The following BRCA1 variants were observed in gnomAD, a reference collection of about 807,000 sequenced individuals.
BRCA1 encodes the protein BRCA1 DNA repair associated, also known as breast cancer type 1 susceptibility protein.
BRCA1 carries 140 observed loss-of-function variants against 173.7 expected under a neutral mutation model. The ratio of observed to expected loss-of-function variants is 0.81; its 90% CI spans 0.70 to 0.93. The LOEUF (loss-of-function observed/expected upper bound fraction) is 0.93, where lower values mean the gene tolerates loss of function less well. Among genes scored for constraint, BRCA1 ranks in the 40% least tolerant of loss-of-function variants. The pLI, the probability that BRCA1 is intolerant of heterozygous loss-of-function variation, is 0.00. For synonymous variants in BRCA1, 662 were observed against 756.0 expected, an observed-to-expected ratio of 0.88 and a Z score of 2.04; for missense variants, 1,983 against 2,172.5, an observed-to-expected ratio of 0.91 and a Z score of 1.73.
At chr17:43,117,644 C>G (rs1242247901) in intron 2 of BRCA1, among the ~76,000 whole-genome samples, 1 of 152,132 alleles carries the variant, frequency 6.6e-6, no homozygotes, top group Non-Finnish European at 1.5e-5. Context: ...GAGGCTAAGG[C>G]AGGAGAATCG....
intron 12 of BRCA1, among the ~76,000 whole-genome samples, chr17:43,081,634 T>G (rs569319683): frequency 6.6e-6 from 1 of 151,914 alleles, no homozygotes; most frequent in East Asian, 1.9e-4. Context: ...CCTATGTGTC[T>G]GTTTGTTTGC....
chr17:43,052,815 ACACACACACT>A (rs1307341703), intron 19 of BRCA1, among the ~76,000 whole-genome samples: 1,332 of 126,934 alleles, frequency 0.01, 21 homozygotes, highest in African/African-American at 0.028. Context: ...ACACACACAC[ACACACACACT>A]CTCTTACTTT....
rs876658733 is a variant in BRCA1, at chr17:43,093,307, T to C, written c.2224A>G (p.Asn742Asp). The change falls in exon 10 of 23, where the codon AAT becomes GAT. Residue 742 changes from asparagine (N) to aspartate (D), a missense_variant. Asn to Asp is a conservative substitution (Grantham distance 23). Transcript: ENST00000357654. ...AGATCTTTGGGGTCTTCAGCATTAT[T>C]AGACACTTTAACTGTTTCTAGTTTC... ...EEKLETVKVSNNAEDPKDLML... is the reference protein window; with the variant it reads ...EEKLETVKVSDNAEDPKDLML... The C allele has an allele frequency of 6.2e-7, 1 of 1,613,952 alleles. No individual in the cohort carries two copies. The highest frequency in any genetic ancestry group is 1.3e-5 in the African/African-American group (1 of 74,950).
In BRCA1 at chr17:43,124,083, G is replaced by A. The variant is rs1335137805; in HGVS notation, c.14C>T (p.Ala5Val). 2 of 1,613,230 alleles carry A rather than the reference G, an allele frequency of 1.2e-6. No individual in the cohort carries two copies. Among genetic ancestry groups the A allele is most frequent in the South Asian group, 1.1e-5 (1 of 91,060 alleles). ...ATTTTGTACTTCTTCAACGCGAAGAGCAGATAAATCCATTTCTTTCTGTTC... is the reference window on the plus strand; with the variant it reads ...ATTTTGTACTTCTTCAACGCGAAGAACAGATAAATCCATTTCTTTCTGTTC... MDLS[A>V]LRVEEVQNVI... Residue 5 changes from alanine (A) to valine (V), a missense_variant, in exon 2 of 23, where the codon GCT (alanine) becomes GTT (valine). By Grantham distance (64) the Ala-to-Val change is moderately conservative. Coordinates refer to ENST00000357654, the MANE Select transcript of BRCA1 (RefSeq NM_007294.4).
In BRCA1 at chr17:43,145,420, G is replaced by A. The variant is rs200448554; in HGVS notation, c.-19-21305C>T. Among the ~76,000 whole-genome samples the A allele has an allele frequency of 5.9e-4, 88 of 150,192 alleles. No homozygotes were observed. In the East Asian group the frequency reaches 0.016, roughly 28 times the overall value. On this transcript the variant is annotated intron_variant, in intron 1 of 7. Transcript: ENST00000634433. Reference sequence around the variant, plus strand: ...CGGCTCACTGCAAGCTCCGCCTCCCGGGTTCACGCCATTCTCCTGTCTCAG... The same window carrying A: ...CGGCTCACTGCAAGCTCCGCCTCCCAGGTTCACGCCATTCTCCTGTCTCAG...
At chr17:43,056,286 A>G (rs1409949670) in intron 19 of BRCA1, among the ~76,000 whole-genome samples, 1 of 151,248 alleles carries the variant, frequency 6.6e-6, no homozygotes, top group Admixed American at 6.6e-5. Flanking sequence ...AGATACTCTC[A>G]ACTCAGCCTT....
In BRCA1 at chr17:43,051,547, T is replaced by A. The variant is rs1022192029; in HGVS notation, c.5278-430A>T. ...GTTATTGGCTGAAGTTTGATGTTTA[T>A]CCAGACTTGGTACCTCAAGTACTCA... On this transcript the variant is annotated intron_variant, in intron 19 of 22. Coordinates refer to ENST00000357654, the MANE Select transcript of BRCA1 (RefSeq NM_007294.4). Among the ~76,000 whole-genome samples, 4 of 152,232 alleles carry A rather than the reference T, an allele frequency of 2.6e-5. 1 individual carries two copies. Among genetic ancestry groups the A allele is most frequent in the Admixed American group, 2.6e-4 (4 of 15,288 alleles).
At chr17:43,100,677 TA>T (rs67109310) in intron 6 of BRCA1, among the ~76,000 whole-genome samples, 2,477 of 14,464 alleles carry the variant, frequency 0.17, 190 homozygotes, top group South Asian at 0.27. Context: ...TATATATATA[TA>T]ATATATATAT....
chr17:43,111,019 T>C (rs989954224), intron 3 of BRCA1, among the ~76,000 whole-genome samples: 1 of 150,426 alleles, frequency 6.6e-6, no homozygotes, highest in African/African-American at 2.4e-5. Context: ...GAGAATCACT[T>C]GAACCAGAGA....
At chr17:43,103,998 T>C (rs1385015175) in intron 6 of BRCA1, 124 bp downstream of exon 6, 4 of 1,254,046 alleles carry the variant, frequency 3.2e-6, no homozygotes, top group Non-Finnish European at 4.5e-6. Flanking sequence ...TCCCAGCTAC[T>C]AAGGGGGCTA....
Position 43,094,297 on chromosome 17 carries a change from C to T in BRCA1, c.1234G>A (p.Val412Ile), listed in dbSNP as rs587776478. 1 of 1,614,180 alleles carries T rather than the reference C, an allele frequency of 6.2e-7. No individual in the cohort carries two copies. The highest frequency in any genetic ancestry group is 1.1e-5 in the South Asian group (1 of 91,080). Residue 412 changes from valine (V) to isoleucine (I), a missense_variant, in exon 10 of 23, where the codon GTA becomes ATA. Transcript: ENST00000357654. ...TCTACCTCATTTAGAACGTCCAATA[C>T]ATCAGCTACTTTGGCATTTGATTCA... is the stretch of plus-strand genomic sequence containing the variant. The part of the protein sequence containing the change: ...ESESNAKVAD[V>I]LDVLNEVDEY...
At chr17:43,158,875 T>G (rs2056214397) in intron 1 of BRCA1, among the ~76,000 whole-genome samples, 1 of 152,128 alleles carries the variant, frequency 6.6e-6, no homozygotes, top group Admixed American at 6.5e-5. Flanking sequence ...GGATAAAGTG[T>G]GTCTTGAGGG....
intron 15 of BRCA1, among the ~76,000 whole-genome samples, chr17:43,068,122 A>G (rs1162768135): frequency 6.6e-6 from 1 of 151,604 alleles, no homozygotes; most frequent in Non-Finnish European, 1.5e-5. Context: ...CTAAAAATAC[A>G]AAAAATTAGC....
chr17:43,166,334 G>A (rs553866049), intron 1 of BRCA1: 1 of 152,470 alleles, frequency 6.6e-6, no homozygotes, highest in East Asian at 1.9e-4. Flanking sequence ...TTGGGGGTGG[G>A]GGGTCTAAAA....
At chr17:43,075,421 A>G (rs935771371) in intron 13 of BRCA1, among the ~76,000 whole-genome samples, 1 of 152,230 alleles carries the variant, frequency 6.6e-6, no homozygotes, top group Non-Finnish European at 1.5e-5. Flanking sequence ...GGACTTTGCA[A>G]AATAAGATAC....
At chr17:43,071,508 G>A (rs1449065081) in intron 14 of BRCA1, among the ~76,000 whole-genome samples, 1 of 152,120 alleles carries the variant, frequency 6.6e-6, no homozygotes, top group African/African-American at 2.4e-5. Flanking sequence ...TATATGCAAA[G>A]GTTTAGTCAT....
rs757310288 is a variant in BRCA1 at position 43,069,196 on chromosome 17, T to C, written c.4987-1501A>G. 4.6e-5 allele frequency among the ~76,000 whole-genome samples: 7 copies of C among 152,348 alleles called. No homozygotes were observed. The South Asian group carries it at 1.2e-3, about 27-fold the overall frequency. On this transcript the variant is annotated intron_variant, in intron 15 of 22. Transcript: ENST00000357654. ...TGCTACCACCCTCCGCCAGGATCAT[T>C]AGCAATTCTGAACTGATTAATTGCT...
rs62625303 is a variant in BRCA1, at chr17:43,094,060, G to A, written c.1471C>T (p.Gln491Ter). ...GTGAGGGGACGCTCTTGTATTATCT[G>A]TGGCTCAGTAACAAATGCTCCTATA... is the stretch of plus-strand genomic sequence containing the variant. Reference protein sequence around the residue: ...LIIGAFVTEPQIIQERPLTNK... With the variant: ...LIIGAFVTEP The change falls in exon 10 of 23, where the codon CAG (glutamine) becomes TAG (stop). Residue 491 changes from glutamine to a stop codon, truncating the protein, a stop_gained. Transcript: ENST00000357654. LOFTEE classifies it high-confidence loss of function. The A allele has an allele frequency of 6.2e-7, 1 of 1,614,078 alleles. No individual in the cohort carries two copies. Among genetic ancestry groups the A allele is most frequent in the African/African-American group, 1.3e-5 (1 of 75,038 alleles).
intron 9 of BRCA1, among the ~76,000 whole-genome samples, chr17:43,095,581 C>CA (rs920734019): frequency 5.1e-4 from 66 of 130,292 alleles, no homozygotes; most frequent in African/African-American, 1.4e-3. Flanking sequence ...GACCCCATCT[C>CA]AAAAAAAAAC....
Sources: allele counts gnomAD v4.1 joint callset (sites outside exome capture counted in the v4.1 genomes callset), GRCh38; gene constraint gnomAD v4.1.1; transcripts MANE v1.5; gene names NCBI Gene and HGNC (gene_info 2026-07-23, HGNC 2026-07-21).